The following SLC44A2 variants were observed in gnomAD, a reference collection of about 807,000 sequenced individuals.
SLC44A2 encodes choline transporter-like protein 2.
SLC44A2 carries 57 observed loss-of-function variants against 90.8 expected under a neutral mutation model. The ratio of observed to expected loss-of-function variants is 0.63; its 90% CI spans 0.51 to 0.78. The LOEUF (loss-of-function observed/expected upper bound fraction) is 0.78. SLC44A2 is among the 30% of genes least tolerant of loss of function. SLC44A2 has a pLI of 0.00. For synonymous variants in SLC44A2, 355 were observed against 360.7 expected, an observed-to-expected ratio of 0.98 and a Z score of 0.18; for missense variants, 794 against 919.7, an observed-to-expected ratio of 0.86 and a Z score of 1.77.
Position 10,637,888 on chromosome 19 carries a change from G to T in SLC44A2, c.1728G>T (p.Ser576=). ...TCTACGGCACCAATTTCTGCACCTC[G>T]GCCAGGAATGCCTTCTTCCTGCTCA... ...IAIYGTNFCT[S]ARNAFFLLMR... Residue 576 remains serine, a synonymous_variant, in exon 18 of 22, where the codon TCG becomes TCT. Coordinates refer to ENST00000335757, the MANE Select transcript of SLC44A2 (RefSeq NM_020428.4). The T allele has an allele frequency of 1.2e-6, 2 of 1,614,004 alleles. No individual in the cohort carries two copies. Among genetic ancestry groups the T allele is most frequent in the African/African-American group, 2.7e-5 (2 of 74,974 alleles).
chr19:10,642,500 T>A, intron 21 of SLC44A2, 49 bp downstream of exon 21: 1 of 1,548,540 alleles, frequency 6.5e-7, no homozygotes, highest in Non-Finnish European at 8.9e-7. Flanking sequence ...ATCCCTTCTT[T>A]CCACTGGGCA....
chr19:10,643,701 T>TA lies in SLC44A2; in HGVS notation c.*317dup. On this transcript the variant is annotated 3_prime_UTR_variant, in exon 22 of 22. Transcript: ENST00000335757. ...TCCCTCATGCTTCCTGTCCCCCGCT[T>TA]ACACGACAACGGGCCAGACCACAGG... is the stretch of plus-strand genomic sequence containing the variant. 4.0e-6 allele frequency: 1 copy of TA among 252,912 alleles called. No homozygotes were observed. Among genetic ancestry groups the TA allele is most frequent in the Non-Finnish European group, 7.8e-6 (1 of 128,250 alleles). The allele number at this position is 252,912 out of a possible 1,614,324, so 15.7% of individuals were successfully genotyped here.
At position 10,634,137 on chromosome 19, in the gene SLC44A2, A is replaced by ATT. The variant is rs1177075276; in HGVS notation, c.824-596_824-595dup. Among the ~76,000 whole-genome samples the ATT allele has an allele frequency of 3.3e-3, 266 of 80,318 alleles. 5 individuals carry two copies. Among genetic ancestry groups the ATT allele is most frequent in the African/African-American group, 9.4e-3 (179 of 19,048 alleles). The allele number at this position is 80,318 out of a possible 152,430, so 52.7% of individuals were successfully genotyped here. On this transcript the variant is annotated intron_variant, in intron 10 of 21. Coordinates refer to ENST00000335757, the MANE Select transcript of SLC44A2 (RefSeq NM_020428.4). Reference sequence around the variant, plus strand: ...TGGCGCCCACCACCACGCCCAGCTAATTTTTTTTTTTTTTTTTTTTTTTTG... The same window carrying ATT: ...TGGCGCCCACCACCACGCCCAGCTAATTTTTTTTTTTTTTTTTTTTTTTTTTG...
chr19:10,637,155 G>A lies in SLC44A2; in HGVS notation c.1591+399G>A, dbSNP rs984675481. 3.6e-5 allele frequency: 8 copies of A among 222,396 alleles called. No homozygotes were observed. In the South Asian group the frequency reaches 4.5e-4, roughly 13 times the overall value. 13.8% of individuals were successfully genotyped at this position (222,396 alleles called of 1,614,324 possible). On this transcript the variant is annotated intron_variant, in intron 16 of 21. Transcript: ENST00000335757. ...CGGATCACCTGAGGTCAGGAGACCA[G>A]CCTGGCCAACATGGTGAAACCCCGT...
rs756112232 is a variant in SLC44A2 at position 10,631,672 on chromosome 19, G to C, written c.549G>C (p.Leu183=). The change falls in exon 8 of 22, where the codon CTG becomes CTC. Residue 183 remains leucine, a synonymous_variant. Transcript: ENST00000335757. ...CTATCCACGCCTACAAGGGTGTCCT[G>C]ATGGTGGGCAATGAGACGACCTATG... ...FPAIHAYKGV[L]MVGNETTYED... 8 of 1,613,534 alleles carry C rather than the reference G, an allele frequency of 5.0e-6. No individual in the cohort carries two copies. The highest frequency in any genetic ancestry group is 6.8e-6 in the Non-Finnish European group (8 of 1,180,038).
intron 20 of SLC44A2, chr19:10,641,202 G>C (rs929740870): frequency 5.7e-6 from 2 of 348,964 alleles, no homozygotes; most frequent in African/African-American, 4.3e-5. Flanking sequence ...AAAACAGCCT[G>C]GGCAACATGG....
intron 4 of SLC44A2, 111 bp from the exon 5 acceptor site, chr19:10,630,946 A>G (rs12710257): frequency 0.79 from 625,898 of 787,482 alleles, 249,674 homozygotes; most frequent in Admixed American, 0.86. Flanking sequence ...CGGAGGTTGC[A>G]GTGAGCCGAG....
At chr19:10,623,154 C>G (rs1452360341), upstream of SLC44A2, among the ~76,000 whole-genome samples, 1 of 151,980 alleles carries the variant, frequency 6.6e-6, no homozygotes, top group Non-Finnish European at 1.5e-5. Context: ...AGGGTGGGAC[C>G]AGCCAGCCTT....
chr19:10,608,393 G>C lies in SLC44A2; in HGVS notation c.31+5832G>C, dbSNP rs183643573. 1.3e-3 allele frequency among the ~76,000 whole-genome samples: 195 copies of C among 152,108 alleles called. 3 individuals are homozygous for C. Among genetic ancestry groups the C allele is most frequent in the Non-Finnish European group, 2.4e-4 (16 of 67,980 alleles). ...TCTTTTTTCACGGTAGCATAGAATA[G>C]TACATTTGTGGATGGGCTGTCTTTT... On this transcript the variant is annotated intron_variant, in intron 1 of 21. Transcript: ENST00000407327.
chr19:10,631,825 C>A, intron 8 of SLC44A2, 43 bp from the exon 9 acceptor site: 1 of 1,614,170 alleles, frequency 6.2e-7, no homozygotes, highest in South Asian at 1.1e-5. Context: ...TTGGCCTGAT[C>A]ATGGAAGAGG....
At chr19:10,617,110 C>T (rs544179016) in intron 1 of SLC44A2, among the ~76,000 whole-genome samples, 112 of 151,704 alleles carry the variant, frequency 7.4e-4, no homozygotes, top group African/African-American at 2.6e-3. Flanking sequence ...TTAGTAGAGA[C>T]GGGGTTTCAT....
At chr19:10,606,150 T>C (rs912428537) in intron 1 of SLC44A2, among the ~76,000 whole-genome samples, 4 of 151,154 alleles carry the variant, frequency 2.6e-5, no homozygotes, top group Non-Finnish European at 4.4e-5. Context: ...AATTTAAAAA[T>C]TAACTGAGCA....
upstream of SLC44A2, among the ~76,000 whole-genome samples, chr19:10,621,484 C>T (rs935169576): frequency 6.6e-5 from 9 of 135,370 alleles, no homozygotes; most frequent in Non-Finnish European, 1.2e-4. Flanking sequence ...TGCTCTGTCA[C>T]CCAGGCTGGA....
At chr19:10,637,058 A>T (rs1160671581) in intron 16 of SLC44A2, 2 of 328,438 alleles carry the variant, frequency 6.1e-6, no homozygotes, top group African/African-American at 4.3e-5. Context: ...GAGAGCAGGA[A>T]TAAGACTGGT....
chr19:10,606,943 G>C (rs1406252472), intron 1 of SLC44A2, among the ~76,000 whole-genome samples: 1 of 134,726 alleles, frequency 7.4e-6, no homozygotes, highest in African/African-American at 2.8e-5. Flanking sequence ...ACGGAGTCTC[G>C]CTCTGTCGCC....
upstream of SLC44A2, chr19:10,625,391 G>A: frequency 2.8e-6 from 3 of 1,087,830 alleles, no homozygotes; most frequent in African/African-American, 1.6e-5. Context: ...GGCGGGGAAG[G>A]CTAAATGCGG....
At chr19:10,634,268 G>A (rs186407251) in intron 10 of SLC44A2, among the ~76,000 whole-genome samples, 4,092 of 149,108 alleles carry the variant, frequency 0.027, 185 homozygotes, top group African/African-American at 0.095. Flanking sequence ...GATTACAGGC[G>A]TGAGCCACCG....
At chr19:10,642,592 AGCCTGTCTTCCT>A (rs1394407708) in intron 21 of SLC44A2, 141 bp downstream of exon 21, 1 of 832,134 alleles carries the variant, frequency 1.2e-6, no homozygotes, top group African/African-American at 1.7e-5. Flanking sequence ...CTGGGTCCCC[AGCCTGTCTTCCT>A]GGTTTCCTTT....
Position 10,635,476 on chromosome 19 carries a change from C to G in SLC44A2, c.1194C>G (p.Asp398Glu). ...SNEAVYKIFD[D>E]SPCPFTAKTC... is the part of the protein sequence containing the mutation. ...AAGCGGTCTATAAGATCTTTGATGA[C>G]AGCCCCTGCCCATTTACTGCGAAAA... is the stretch of plus-strand genomic sequence containing the variant. The change falls in exon 14 of 22, where the codon GAC (aspartate) becomes GAG (glutamate). Residue 398 changes from aspartate to glutamate, a missense_variant. Coordinates refer to ENST00000335757, the MANE Select transcript of SLC44A2 (RefSeq NM_020428.4). The G allele has an allele frequency of 6.2e-7, 1 of 1,614,018 alleles. No homozygotes were observed. Among genetic ancestry groups the G allele is most frequent in the South Asian group, 1.1e-5 (1 of 91,074 alleles).
Sources: allele counts gnomAD v4.1 joint callset (sites outside exome capture counted in the v4.1 genomes callset), GRCh38; gene constraint gnomAD v4.1.1; transcripts MANE v1.5; gene names NCBI Gene and HGNC (gene_info 2026-07-23, HGNC 2026-07-21).